Variants in SLC25A26 observed in about 807,000 individuals in gnomAD.
The protein encoded by SLC25A26 is mitochondrial S-adenosylmethionine carrier protein.
A neutral mutation model predicts 37.8 loss-of-function variants in SLC25A26; 36 were observed. The observed-to-expected ratio is 0.95, with a 90% confidence interval of 0.73 to 1.26. The LOEUF (loss-of-function observed/expected upper bound fraction) is 1.26. Ranked by LOEUF, SLC25A26 falls within the 50% of genes most tolerant of loss-of-function variation. The pLI is 0.00. For missense variants in SLC25A26, 390 were observed against 331.1 expected (o/e 1.18, Z -1.38); for synonymous variants, 129 against 122.5 (o/e 1.05, Z -0.35).
chr3:66,347,197 C>T (rs1198145756), intron 6 of SLC25A26, among the ~76,000 whole-genome samples: 1 of 151,968 alleles, frequency 6.6e-6, no homozygotes, highest in Non-Finnish European at 1.5e-5. Flanking sequence ...ACCTACAGAA[C>T]GGGAGGAAAT....
At chr3:66,293,114 A>G (rs1188207364) in intron 5 of SLC25A26, 1 of 151,924 alleles carries the variant, frequency 6.6e-6, no homozygotes, top group Non-Finnish European at 1.5e-5. Context: ...ATGAAGTTCT[A>G]AAAATGTGGA....
chr3:66,255,995 A>G (rs371130610), intron 3 of SLC25A26, among the ~76,000 whole-genome samples: 6 of 152,182 alleles, frequency 3.9e-5, no homozygotes, highest in South Asian at 2.1e-4. Context: ...TAAAAACACA[A>G]TAGTAAGAAC....
chr3:66,239,454 A>G (rs1448943052), intron 2 of SLC25A26, among the ~76,000 whole-genome samples: 1 of 152,174 alleles, frequency 6.6e-6, no homozygotes, highest in African/African-American at 2.4e-5. Context: ...TTTCTGCTCA[A>G]TAATTTACTT....
intron 1 of SLC25A26, among the ~76,000 whole-genome samples, chr3:66,169,371 G>A (rs2106728358): frequency 6.6e-6 from 1 of 152,248 alleles, no homozygotes; most frequent in South Asian, 2.1e-4. Context: ...TCCCTTACCT[G>A]TTAGGGCTTT....
chr3:66,269,990 G>A (rs1029107379), intron 5 of SLC25A26, among the ~76,000 whole-genome samples: 6 of 152,026 alleles, frequency 3.9e-5, no homozygotes, highest in Admixed American at 2.6e-4. Context: ...AATACTTGTC[G>A]TTTTTCACTG....
chr3:66,172,383 C>T (rs1299798965), intron 1 of SLC25A26, among the ~76,000 whole-genome samples: 1 of 126,144 alleles, frequency 7.9e-6, no homozygotes, highest in Non-Finnish European at 1.6e-5. Flanking sequence ...TGTACTCCAG[C>T]CTGGGCCAGA....
intron 1 of SLC25A26, among the ~76,000 whole-genome samples, chr3:66,213,929 C>A (rs2071322336): frequency 6.7e-6 from 1 of 149,820 alleles, no homozygotes. Context: ...CACTCCATCT[C>A]AAAAAAAAGG....
intron 1 of SLC25A26, among the ~76,000 whole-genome samples, chr3:66,167,451 G>T (rs1025299097): frequency 6.6e-6 from 1 of 152,194 alleles, no homozygotes; most frequent in Non-Finnish European, 1.5e-5. Context: ...TTGGCTTCTG[G>T]ATCTAGCCAG....
chr3:66,298,061 A>G (rs943738977), intron 5 of SLC25A26, among the ~76,000 whole-genome samples: 3 of 152,232 alleles, frequency 2.0e-5, no homozygotes, highest in African/African-American at 4.8e-5. Flanking sequence ...CTTGCTAGAA[A>G]TGCAGAATCT....
At chr3:66,266,521 T>G (rs1215434201) in intron 5 of SLC25A26, among the ~76,000 whole-genome samples, 1 of 151,734 alleles carries the variant, frequency 6.6e-6, no homozygotes, top group Non-Finnish European at 1.5e-5. Context: ...GAAGTTTGAG[T>G]CCATGCATTA....
Position 66,221,117 on chromosome 3 carries a change from C to T in SLC25A26, c.23C>T (p.Ala8Val). 6.5e-7 allele frequency: 1 copy of T among 1,530,856 alleles called. No individual in the cohort carries two copies. Among genetic ancestry groups the T allele is most frequent in the Non-Finnish European group, 8.7e-7 (1 of 1,144,134 alleles). The allele number at this position is 1,530,856 out of a possible 1,614,324, so 94.8% of individuals were successfully genotyped here. The change falls in exon 1 of 10, where the codon GCA becomes GTA. Residue 8 changes from alanine to valine, a missense_variant. Coordinates refer to ENST00000354883, the MANE Select transcript of SLC25A26 (RefSeq NM_001379210.1). ...ACCATGGACCGGCCGGGGTTCGTGG[C>T]AGCGCTGGTGGTGAGTGCGGGGCGG... MDRPGFV[A>V]ALVAGGVAGV...
intron 1 of SLC25A26, among the ~76,000 whole-genome samples, chr3:66,233,022 C>G (rs1576673339): frequency 6.6e-6 from 1 of 152,184 alleles, no homozygotes; most frequent in South Asian, 2.1e-4. Context: ...GGGAATGTTT[C>G]CCTTGAGAAG....
intron 6 of SLC25A26, chr3:66,356,001 A>T: frequency 2.2e-6 from 1 of 456,008 alleles, no homozygotes; most frequent in Non-Finnish European, 4.4e-6. Flanking sequence ...ATGTATAAAA[A>T]GCATATAGTA....
chr3:66,253,594 C>T (rs1337966510), intron 3 of SLC25A26, among the ~76,000 whole-genome samples: 1 of 152,092 alleles, frequency 6.6e-6, no homozygotes, highest in Non-Finnish European at 1.5e-5. Context: ...AGGAAGTCAA[C>T]ATTCCCTTGC....
exon 1 of SLC25A26, chr3:66,133,959 A>C (rs541488975): frequency 3.3e-5 from 5 of 152,230 alleles, no homozygotes; most frequent in Non-Finnish European, 7.3e-5. Context: ...GAAAAGACGC[A>C]AAGAAAATGC....
At chr3:66,133,729 A>C (rs1389894482) in exon 1 of SLC25A26, 1 of 152,224 alleles carries the variant, frequency 6.6e-6, no homozygotes, top group African/African-American at 2.4e-5. Context: ...AGATGATGGC[A>C]GTTAGAATTA....
At chr3:66,231,941 T>C (rs1327948996) in intron 1 of SLC25A26, among the ~76,000 whole-genome samples, 1 of 152,080 alleles carries the variant, frequency 6.6e-6, no homozygotes, top group Non-Finnish European at 1.5e-5. Context: ...CAGCCTACCT[T>C]GTTGTTTTAA....
chr3:66,332,725 T>C (rs886085025), intron 5 of SLC25A26, among the ~76,000 whole-genome samples: 2 of 152,158 alleles, frequency 1.3e-5, no homozygotes, highest in African/African-American at 4.8e-5. Context: ...GCTTGAACTT[T>C]AGTATCTATC....
chr3:66,151,872 A>T (rs2070214358), intron 1 of SLC25A26, among the ~76,000 whole-genome samples: 1 of 152,244 alleles, frequency 6.6e-6, no homozygotes, highest in African/African-American at 2.4e-5. Flanking sequence ...AAGAATAGGG[A>T]CTATTCCCCT....
Sources: allele counts gnomAD v4.1 joint callset (sites outside exome capture counted in the v4.1 genomes callset), GRCh38; gene constraint gnomAD v4.1.1; transcripts MANE v1.5; gene names NCBI Gene and HGNC (gene_info 2026-07-23, HGNC 2026-07-21).